Variants in CRY1 observed in about 807,000 individuals in gnomAD.
CRY1 encodes cryptochrome-1.
CRY1 carries 45 observed loss-of-function variants against 76.0 expected under a neutral mutation model. The ratio of observed to expected loss-of-function variants is 0.59; its 90% confidence interval spans 0.47 to 0.76. The LOEUF (loss-of-function observed/expected upper bound fraction) is 0.76, where lower values mean the gene tolerates loss of function less well. Ranked by LOEUF, CRY1 falls within the 30% of genes least tolerant of loss-of-function variation. The pLI, the probability that CRY1 is intolerant of heterozygous loss-of-function variation, is 0.00. For missense variants in CRY1, 587 were observed against 716.4 expected (o/e 0.82, Z 2.06); for synonymous variants, 248 against 244.0 (o/e 1.02, Z -0.15).
intron 1 of CRY1, among the ~76,000 whole-genome samples, chr12:107,035,744 G>A (rs1593516952): frequency 6.6e-6 from 1 of 152,138 alleles, no homozygotes; most frequent in Non-Finnish European, 1.5e-5. Flanking sequence ...AAGGATATCG[G>A]GGGGTATAAT....
intron 1 of CRY1, among the ~76,000 whole-genome samples, chr12:107,037,440 G>A (rs1454597285): frequency 6.6e-6 from 1 of 152,050 alleles, no homozygotes; most frequent in Non-Finnish European, 1.5e-5. Context: ...GCAGAGGCAG[G>A]AGAATCACTT....
chr12:107,066,133 G>T (rs1297781874), intron 1 of CRY1, among the ~76,000 whole-genome samples: 1 of 152,166 alleles, frequency 6.6e-6, no homozygotes, highest in South Asian at 2.1e-4. Context: ...CTTTGTGTGT[G>T]TGCATCTCTC....
At chr12:107,046,877 T>C (rs1441340293) in intron 1 of CRY1, among the ~76,000 whole-genome samples, 1 of 152,196 alleles carries the variant, frequency 6.6e-6, no homozygotes, top group African/African-American at 2.4e-5. Context: ...AGCACCCAGA[T>C]ATAAAGCAAA....
At chr12:107,054,056 C>T (rs1952954180) in intron 1 of CRY1, among the ~76,000 whole-genome samples, 2 of 152,064 alleles carry the variant, frequency 1.3e-5, no homozygotes, top group Admixed American at 1.3e-4. Flanking sequence ...GAAAAATGTT[C>T]CCCAATGGAA....
chr12:107,021,264 C>T (rs1952554519), intron 2 of CRY1, among the ~76,000 whole-genome samples: 1 of 151,832 alleles, frequency 6.6e-6, no homozygotes, highest in African/African-American at 2.4e-5. Context: ...GCCTGGGCGA[C>T]AAGAGCAAGA....
chr12:107,081,934 G>A (rs1178439282), intron 1 of CRY1, among the ~76,000 whole-genome samples: 1 of 151,924 alleles, frequency 6.6e-6, no homozygotes, highest in Non-Finnish European at 1.5e-5. Flanking sequence ...AGAGGTATCT[G>A]AGTCATGGGG....
chr12:107,030,292 T>A (rs1952661080), intron 1 of CRY1, among the ~76,000 whole-genome samples: 1 of 152,218 alleles, frequency 6.6e-6, no homozygotes. Context: ...GGTATCTCAT[T>A]TTAAAAATGA....
At chr12:107,027,272 T>C (rs1952627440) in intron 1 of CRY1, among the ~76,000 whole-genome samples, 1 of 152,190 alleles carries the variant, frequency 6.6e-6, no homozygotes, top group Non-Finnish European at 1.5e-5. Flanking sequence ...ACACTCAATA[T>C]TGAATGAAAT....
chr12:107,081,702 A>G (rs1037988236), intron 1 of CRY1, among the ~76,000 whole-genome samples: 2 of 152,054 alleles, frequency 1.3e-5, no homozygotes, highest in Admixed American at 6.6e-5. Flanking sequence ...TATATACAGA[A>G]TACATCCCTG....
intron 1 of CRY1, among the ~76,000 whole-genome samples, chr12:107,028,224 AGAT>A (rs762042687): frequency 6.6e-6 from 1 of 152,178 alleles, no homozygotes. Context: ...ATTTTATTAG[AGAT>A]TTAAAAAATA....
At chr12:107,090,513 A>C (rs1449403419) in intron 1 of CRY1, among the ~76,000 whole-genome samples, 1 of 152,182 alleles carries the variant, frequency 6.6e-6, no homozygotes, top group Non-Finnish European at 1.5e-5. Flanking sequence ...AAGAGTATTC[A>C]AGGTTCAGCC....
At chr12:107,011,179 A>C (rs914318464) in intron 2 of CRY1, among the ~76,000 whole-genome samples, 12 of 152,162 alleles carry the variant, frequency 7.9e-5, no homozygotes, top group African/African-American at 2.9e-4. Flanking sequence ...CCCTGTCTCT[A>C]CTAAAAACAA....
intron 2 of CRY1, among the ~76,000 whole-genome samples, chr12:107,015,682 T>C (rs541644127): frequency 2.4e-4 from 37 of 152,240 alleles, no homozygotes; most frequent in Middle Eastern, 3.4e-3. Flanking sequence ...TAAGTGAATA[T>C]TCACTTTGCA....
rs143089449 is a variant in CRY1, at chr12:107,024,699, C to T, written c.159-2507G>A. 8.1e-4 allele frequency among the ~76,000 whole-genome samples: 124 copies of T among 152,192 alleles called. 1 individual carries two copies. The South Asian group carries it at 0.015, about 19-fold the overall frequency. ...TGGCCTTAATAAACATTATATGAAC[C>T]AAACAAATGCACAGAATGATATGGA... On this transcript the variant is annotated intron_variant, in intron 1 of 12. Transcript: ENST00000008527.
At position 106,997,377 on chromosome 12, in the gene CRY1, G is replaced by A. The variant is rs1219012675; in HGVS notation, c.1502C>T (p.Ala501Val). The A allele has an allele frequency of 1.9e-6, 3 of 1,613,786 alleles. No individual in the cohort carries two copies. The highest frequency in any genetic ancestry group is 2.2e-5 in the South Asian group (2 of 90,996). ...CCCATTAGGATTAGAAGGTACTGAT[G>A]CCAGAAGACCTAAAGGACAAAAAAA... ...LSRYRGLGLLASVPSNPNGNG... is the reference protein window; with the variant it reads ...LSRYRGLGLLVSVPSNPNGNG... Residue 501 changes from alanine to valine, a missense_variant, in exon 10 of 13, where the codon GCA becomes GTA. By Grantham distance (64) the Ala-to-Val change is moderately conservative. Coordinates refer to ENST00000008527, the MANE Select transcript of CRY1 (RefSeq NM_004075.5).
At chr12:107,006,086 A>T (rs942310399) in intron 2 of CRY1, among the ~76,000 whole-genome samples, 9 of 152,122 alleles carry the variant, frequency 5.9e-5, no homozygotes, top group African/African-American at 2.2e-4. Flanking sequence ...TGGTGGGTTT[A>T]AAAAAATTGC....
Position 106,997,631 on chromosome 12 carries a change from G to C in CRY1, c.1349C>G (p.Ala450Gly). Residue 450 changes from alanine to glycine, a missense_variant, in exon 9 of 13, where the codon GCA (alanine) becomes GGA (glycine). Ala to Gly is a moderately conservative substitution (Grantham distance 60). Coordinates refer to ENST00000008527, the MANE Select transcript of CRY1 (RefSeq NM_004075.5). ...PAKYIYDPWN[A>G]PEGIQKVAKC... Reference sequence around the variant, plus strand: ...GGCTACCTTTTGGATACCTTCTGGTGCATTCCAGGGATCATAGATATATTT... The same window carrying C: ...GGCTACCTTTTGGATACCTTCTGGTCCATTCCAGGGATCATAGATATATTT... 6.2e-7 allele frequency: 1 copy of C among 1,614,100 alleles called. No homozygotes were observed. Among genetic ancestry groups the C allele is most frequent in the South Asian group, 1.1e-5 (1 of 91,076 alleles).
chr12:107,089,401 C>G lies in CRY1; in HGVS notation c.158+3403G>C, dbSNP rs1205830847. Among the ~76,000 whole-genome samples, 9 of 152,134 alleles carry G rather than the reference C, an allele frequency of 5.9e-5. No homozygotes were observed. In the East Asian group the frequency reaches 1.7e-3, roughly 29 times the overall value. On this transcript the variant is annotated intron_variant, in intron 1 of 12. Coordinates refer to ENST00000008527, the MANE Select transcript of CRY1 (RefSeq NM_004075.5). ...CCAGGCTGGAGTGCAGTAGCCCATTCATAGCTCATTGCAGCTTCCAACTCC... is the reference window on the plus strand; with the variant it reads ...CCAGGCTGGAGTGCAGTAGCCCATTGATAGCTCATTGCAGCTTCCAACTCC...
chr12:107,011,354 A>C (rs371434465), intron 2 of CRY1, among the ~76,000 whole-genome samples: 6,221 of 91,368 alleles, frequency 0.068, 223 homozygotes, highest in African/African-American at 0.18. Flanking sequence ...TGTCTCAAAA[A>C]ACAAACAAAA....
Sources: gnomAD v4.1 joint callset for allele counts (sites outside exome capture counted in the v4.1 genomes callset) on GRCh38, gnomAD v4.1.1 for gene constraint, MANE v1.5 for transcripts, NCBI Gene and HGNC (gene_info 2026-07-23, HGNC 2026-07-21) for gene names.